The following PSMA2 variants were observed in gnomAD, a reference collection of about 807,000 sequenced individuals.
PSMA2 encodes the protein proteasome 20S subunit alpha 2.
In PSMA2, 2 loss-of-function variants were observed where a neutral mutation model predicts 35.9. The observed-to-expected ratio is 0.06, with a 90% CI of 0.02 to 0.18. The LOEUF is 0.18. Ranked by LOEUF, PSMA2 falls within the 10% of genes least tolerant of loss-of-function variation. PSMA2 has a pLI of 1.00. For missense variants in PSMA2, 126 were observed against 278.8 expected (o/e 0.45, Z 3.90); for synonymous variants, 97 against 98.2 (o/e 0.99, Z 0.07).
At chr7:42,926,892 T>C (rs1786225422) in intron 2 of PSMA2, among the ~76,000 whole-genome samples, 1 of 152,200 alleles carries the variant, frequency 6.6e-6, no homozygotes, top group Non-Finnish European at 1.5e-5. Flanking sequence ...CAGCTAAAGG[T>C]ATTACATAAA....
chr7:42,929,935 C>T (rs983708791), intron 1 of PSMA2, among the ~76,000 whole-genome samples: 1 of 152,166 alleles, frequency 6.6e-6, no homozygotes, highest in African/African-American at 2.4e-5. Context: ...TCAAAAATCA[C>T]CCCCAAGCAC....
At chr7:42,922,060 G>T in intron 5 of PSMA2, 129 bp from the exon 6 acceptor site, 1 of 699,758 alleles carries the variant, frequency 1.4e-6, no homozygotes, top group Non-Finnish European at 2.3e-6. Context: ...TATTAGAATG[G>T]AAAACGTCAC....
chr7:42,924,894 A>G (rs766501758), intron 3 of PSMA2, 97 bp from the exon 4 acceptor site: 1 of 1,192,142 alleles, frequency 8.4e-7, no homozygotes, highest in Non-Finnish European at 1.1e-6. Context: ...GCACAAGTTT[A>G]ACATGTATCT....
At chr7:42,921,686 C>T (rs1384491298) in intron 6 of PSMA2, 172 bp downstream of exon 6, 3 of 426,464 alleles carry the variant, frequency 7.0e-6, no homozygotes. Flanking sequence ...ACTTAATATA[C>T]TGAAGTCTAG....
At chr7:42,919,055 C>T in intron 6 of PSMA2, 1 of 291,344 alleles carries the variant, frequency 3.4e-6, no homozygotes, top group Non-Finnish European at 6.7e-6. Flanking sequence ...AACTTCTGAC[C>T]TCAGGTGATC....
intron 3 of PSMA2, 139 bp downstream of exon 3, chr7:42,926,397 G>A (rs1217884863): frequency 3.1e-6 from 3 of 980,780 alleles, no homozygotes. Flanking sequence ...CTCTCAACGA[G>A]GCTGCTATTG....
At chr7:42,927,312 T>G in intron 2 of PSMA2, 71 bp downstream of exon 2, 1 of 1,343,922 alleles carries the variant, frequency 7.4e-7, no homozygotes, top group South Asian at 1.2e-5. Flanking sequence ...TATAAATTAA[T>G]TACTAATGAA....
intron 3 of PSMA2, 92 bp downstream of exon 3, chr7:42,926,444 T>C (rs1786218491): frequency 7.2e-7 from 1 of 1,393,826 alleles, no homozygotes. Flanking sequence ...AACTGGAAGA[T>C]TAAAGGAAAA....
At chr7:42,921,223 C>T (rs1410468404) in intron 6 of PSMA2, 1 of 152,164 alleles carries the variant, frequency 6.6e-6, no homozygotes, top group African/African-American at 2.4e-5. Context: ...ACACTGTATA[C>T]AGGTATCAAA....
At position 42,917,112 on chromosome 7, in the gene PSMA2, C is replaced by A. The variant is rs1786043401; in HGVS notation, c.*462G>T. 1 of 163,806 alleles carries A rather than the reference C, an allele frequency of 6.1e-6. No homozygotes were observed. The allele number at this position is 163,806 out of a possible 1,614,324, so 10.1% of individuals were successfully genotyped here. ...CACCCTAGGATTTCACTGATCAATA[C>A]CTAATGGCACCTAAAAGTACCTATG... On this transcript the variant is annotated 3_prime_UTR_variant, in exon 8 of 8. Transcript: ENST00000223321.
chr7:42,927,956 A>G (rs1786239542), intron 1 of PSMA2, among the ~76,000 whole-genome samples: 1 of 151,996 alleles, frequency 6.6e-6, no homozygotes, highest in Non-Finnish European at 1.5e-5. Context: ...TTACAAGGCA[A>G]TTGGAACATA....
rs1290149852 is a variant in PSMA2, at chr7:42,916,879, A to G, written c.*695T>C. On this transcript the variant is annotated 3_prime_UTR_variant, in exon 8 of 8. Coordinates refer to ENST00000223321, the MANE Select transcript of PSMA2 (RefSeq NM_002787.5). ...GCCATAGTTTTGACACTTAAGTATTAGCATTTTATTTCAAGCACTTATGCT... is the reference window on the plus strand; with the variant it reads ...GCCATAGTTTTGACACTTAAGTATTGGCATTTTATTTCAAGCACTTATGCT... 6.6e-6 allele frequency: 1 copy of G among 152,258 alleles called. No individual in the cohort carries two copies. Among genetic ancestry groups the G allele is most frequent in the Non-Finnish European group, 1.5e-5 (1 of 68,042 alleles). The allele number at this position is 152,258 out of a possible 1,614,324, so 9.4% of individuals were successfully genotyped here.
In PSMA2 at chr7:42,917,585, C is replaced by T; in HGVS notation, c.694G>A (p.Ala232Thr). ...TPTEVKDYLA[A>T]IA ...CAGTCACTTCATTGTTATGCTATGG[C>T]AGCCAAGTAATCCTTAACTTCAGTT... The change falls in exon 8 of 8, where the codon GCC (alanine) becomes ACC (threonine). Residue 232 changes from alanine (A) to threonine (T), a missense_variant. By Grantham distance (58) the Ala-to-Thr change is moderately conservative. Transcript: ENST00000223321. 6.2e-7 allele frequency: 1 copy of T among 1,611,214 alleles called. No homozygotes were observed. Among genetic ancestry groups the T allele is most frequent in the Non-Finnish European group, 8.5e-7 (1 of 1,178,926 alleles).
chr7:42,919,904 A>G (rs1786099416), intron 6 of PSMA2: 2 of 755,498 alleles, frequency 2.6e-6, no homozygotes, highest in Non-Finnish European at 5.0e-6. Flanking sequence ...CTGAAGATGG[A>G]ACACTGAGAC....
Position 42,917,474 on chromosome 7 carries a change from T to C in PSMA2, c.*100A>G, listed in dbSNP as rs1449829496. ...TTAAAAACAGTCGATTTAAACCATG[T>C]AGAAATAAGTATGCAAAAAGTCTGC... On this transcript the variant is annotated 3_prime_UTR_variant, in exon 8 of 8. Transcript: ENST00000223321. 1.2e-5 allele frequency: 10 copies of C among 866,272 alleles called. No homozygotes were observed. Among genetic ancestry groups the C allele is most frequent in the Non-Finnish European group, 1.9e-5 (10 of 539,188 alleles). The allele number at this position is 866,272 out of a possible 1,614,324, so 53.7% of individuals were successfully genotyped here. A position where few individuals can be genotyped will look rare whatever the true frequency, so the allele number is the denominator to read the frequency against.
intron 3 of PSMA2, among the ~76,000 whole-genome samples, chr7:42,925,669 T>C (rs544092289): frequency 6.7e-4 from 102 of 152,294 alleles, no homozygotes; most frequent in African/African-American, 2.3e-3. Context: ...GCAAGACAAA[T>C]AGGATTTATC....
chr7:42,930,953 A>T (rs189508589), intron 1 of PSMA2: 277 of 266,650 alleles, frequency 1.0e-3, no homozygotes, highest in African/African-American at 6.0e-3. Flanking sequence ...AAGGTTACAA[A>T]AAAACTATTA....
chr7:42,928,057 T>C (rs1786241043), intron 1 of PSMA2, among the ~76,000 whole-genome samples: 1 of 152,182 alleles, frequency 6.6e-6, no homozygotes, highest in African/African-American at 2.4e-5. Context: ...CCCTAAGTTT[T>C]CTATGCCTGT....
intron 1 of PSMA2, among the ~76,000 whole-genome samples, chr7:42,928,694 G>A (rs754742568): frequency 4.6e-5 from 7 of 152,156 alleles, no homozygotes; most frequent in African/African-American, 1.2e-4. Flanking sequence ...TCAGAAGGCC[G>A]TATTTTCTCT....
Sources: gnomAD v4.1 joint callset for allele counts (sites outside exome capture counted in the v4.1 genomes callset) on GRCh38, gnomAD v4.1.1 for gene constraint, MANE v1.5 for transcripts, NCBI Gene and HGNC (gene_info 2026-07-23, HGNC 2026-07-21) for gene names.